FAM180A: variants seen among roughly 807,000 people sequenced by gnomAD.
FAM180A encodes the protein family with sequence similarity 180 member A, also known as protein FAM180A.
FAM180A carries 14 observed loss-of-function variants against 15.3 expected under a neutral mutation model. The ratio of observed to expected loss-of-function variants is 0.92; its 90% CI spans 0.61 to 1.43. The LOEUF (loss-of-function observed/expected upper bound fraction) is 1.43. Ranked by LOEUF, FAM180A falls within the 40% of genes most tolerant of loss-of-function variation. The pLI is 0.00. For synonymous variants in FAM180A, 90 were observed against 96.8 expected (o/e 0.93, Z 0.41); for missense variants, 200 against 220.8 (o/e 0.91, Z 0.60).
In FAM180A at chr7:135,734,821, T is replaced by TTC. The variant is rs1370808235; in HGVS notation, c.178-504_178-503dup. On this transcript the variant is annotated intron_variant, in intron 2 of 3. Coordinates refer to ENST00000338588, the MANE Select transcript of FAM180A (RefSeq NM_205855.4). ...GATTGGGCTGTGGGCCCCTTGCTGT[T>TTC]TCTTTTCTGTGTTAAACCAGCTTTC... is the stretch of plus-strand genomic sequence containing the variant. Among the ~76,000 whole-genome samples the TTC allele has an allele frequency of 4.6e-5, 7 of 152,340 alleles. No homozygotes were observed. In the East Asian group the frequency reaches 1.4e-3, roughly 29 times the overall value.
intron 1 of FAM180A, among the ~76,000 whole-genome samples, chr7:135,745,758 G>A (rs1797024227): frequency 6.6e-6 from 1 of 151,348 alleles, no homozygotes; most frequent in Admixed American, 6.6e-5. Context: ...TGGGAGGATG[G>A]ACACGGGGTA....
intron 1 of FAM180A, among the ~76,000 whole-genome samples, chr7:135,739,179 G>A (rs146903853): frequency 2.8e-3 from 424 of 151,910 alleles, no homozygotes; most frequent in Non-Finnish European, 5.1e-3. Context: ...GCATGATGGT[G>A]CGTGCCTGTA....
rs1040215165 is a variant in FAM180A, at chr7:135,740,610, C to T, written c.77-3411G>A. Among the ~76,000 whole-genome samples, 5 of 152,154 alleles carry T rather than the reference C, an allele frequency of 3.3e-5. No individual in the cohort carries two copies. In the South Asian group the frequency reaches 8.3e-4, roughly 25 times the overall value. ...TGTGTTATCCATATCACAGACAGGC[C>T]GATGGTGTCCTTCTACCATAAAACA... On this transcript the variant is annotated intron_variant, in intron 1 of 3. Transcript: ENST00000338588.
intron 3 of FAM180A, among the ~76,000 whole-genome samples, chr7:135,733,125 A>G (rs1266695470): frequency 6.6e-6 from 1 of 152,206 alleles, no homozygotes; most frequent in African/African-American, 2.4e-5. Context: ...CTGATTTTCT[A>G]ATGGATTATT....
intron 3 of FAM180A, among the ~76,000 whole-genome samples, chr7:135,730,784 G>GT (rs1242751559): frequency 6.6e-6 from 1 of 152,108 alleles, no homozygotes; most frequent in Non-Finnish European, 1.5e-5. Flanking sequence ...AAAGAATAGG[G>GT]TTTTTTGGCT....
At chr7:135,740,137 G>A (rs1037386309) in intron 1 of FAM180A, among the ~76,000 whole-genome samples, 2 of 152,188 alleles carry the variant, frequency 1.3e-5, no homozygotes, top group Non-Finnish European at 2.9e-5. Flanking sequence ...GCCCCTGTTT[G>A]TCCATTGCCA....
At chr7:135,745,852 G>C (rs1349554087) in intron 1 of FAM180A, among the ~76,000 whole-genome samples, 1 of 151,546 alleles carries the variant, frequency 6.6e-6, no homozygotes, top group Non-Finnish European at 1.5e-5. Context: ...TCCAAAGGGA[G>C]TACTTTGAAT....
At chr7:135,737,220 A>T in intron 1 of FAM180A, 21 bp from the exon 2 acceptor site, 1 of 1,554,080 alleles carries the variant, frequency 6.4e-7, no homozygotes, top group Non-Finnish European at 8.7e-7. Context: ...GAAAACAGTG[A>T]GTTCCTGGCT....
chr7:135,743,352 C>T (rs1170438082), intron 1 of FAM180A, among the ~76,000 whole-genome samples: 2 of 151,966 alleles, frequency 1.3e-5, no homozygotes, highest in Non-Finnish European at 2.9e-5. Context: ...CTACAGGCGC[C>T]ACCATGCCTG....
intron 1 of FAM180A, among the ~76,000 whole-genome samples, chr7:135,745,844 C>T (rs2129496297): frequency 6.7e-6 from 1 of 150,108 alleles, no homozygotes; most frequent in East Asian, 2.0e-4. Context: ...AGACTGTTTC[C>T]AAAGGGAGTA....
At chr7:135,739,310 CAAAA>C (rs11383815) in intron 1 of FAM180A, among the ~76,000 whole-genome samples, 2 of 76,606 alleles carry the variant, frequency 2.6e-5, no homozygotes, top group African/African-American at 1.0e-4. Flanking sequence ...GACTGCATCT[CAAAA>C]AAAAAAAAAA....
chr7:135,739,911 C>T (rs1049656401), intron 1 of FAM180A, among the ~76,000 whole-genome samples: 4 of 152,148 alleles, frequency 2.6e-5, no homozygotes, highest in Non-Finnish European at 5.9e-5. Context: ...CCGGGGTGTG[C>T]GCTGGGCATA....
Position 135,737,164 on chromosome 7 carries a change from A to T in FAM180A, c.112T>A (p.Ser38Thr), listed in dbSNP as rs377018081. 6.2e-7 allele frequency: 1 copy of T among 1,609,984 alleles called. No individual in the cohort carries two copies. ...ACTGGGTTCAATGGCAGTGATGAGG[A>T]CCTCTTTGGCCGGTGGGCGGCAGGG... ...LFPAAHRPKR[S>T]SSLPLNPVLQ... The change falls in exon 2 of 4, where the codon TCC becomes ACC. Residue 38 changes from serine (S) to threonine (T), a missense_variant. Physicochemically the swap from Ser to Thr is moderately conservative, Grantham distance 58. Coordinates refer to ENST00000338588, the MANE Select transcript of FAM180A (RefSeq NM_205855.4).
chr7:135,748,148 G>A (rs1168199278), intron 1 of FAM180A, among the ~76,000 whole-genome samples: 20 of 152,232 alleles, frequency 1.3e-4, no homozygotes. Flanking sequence ...TTTAGCAGCA[G>A]GTCTCAGCAC....
intron 1 of FAM180A, among the ~76,000 whole-genome samples, chr7:135,743,369 T>C (rs1796983437): frequency 6.6e-6 from 1 of 151,984 alleles, no homozygotes; most frequent in Admixed American, 6.6e-5. Context: ...CCTGGCTAAT[T>C]TTTGTATTTT....
chr7:135,732,533 A>G (rs556156623), intron 3 of FAM180A, among the ~76,000 whole-genome samples: 147 of 152,296 alleles, frequency 9.7e-4, no homozygotes, highest in Middle Eastern at 3.4e-3. Flanking sequence ...TCTCTACTAA[A>G]AATACAAAAA....
chr7:135,733,402 A>C (rs1796816846), intron 3 of FAM180A, among the ~76,000 whole-genome samples: 1 of 152,118 alleles, frequency 6.6e-6, no homozygotes, highest in Admixed American at 6.5e-5. Context: ...GCTGGAGTGC[A>C]GTGGCACAAT....
Position 135,730,045 on chromosome 7 carries a change from A to G in FAM180A, c.*566T>C, listed in dbSNP as rs1296591722. 3.0e-6 allele frequency: 3 copies of G among 985,088 alleles called. No homozygotes were observed. The African/African-American group carries it at 5.2e-5, about 17-fold the overall frequency. The allele number at this position is 985,088 out of a possible 1,614,324, so 61.0% of individuals were successfully genotyped here. On this transcript the variant is annotated 3_prime_UTR_variant, in exon 4 of 4. Transcript: ENST00000338588. ...AAAAAAAATAAGATTGAAATGGATT[A>G]GGAAAGTAAGGGGTGTTGTAAAAAG...
At chr7:135,735,256 A>T (rs1796854767) in intron 2 of FAM180A, among the ~76,000 whole-genome samples, 1 of 152,230 alleles carries the variant, frequency 6.6e-6, no homozygotes, top group African/African-American at 2.4e-5. Flanking sequence ...AAAAGTCAAG[A>T]AGTACATCCT....
Sources: allele counts gnomAD v4.1 joint callset (sites outside exome capture counted in the v4.1 genomes callset), GRCh38; gene constraint gnomAD v4.1.1; transcripts MANE v1.5; gene names NCBI Gene and HGNC (gene_info 2026-07-23, HGNC 2026-07-21).